Variants in SUMF1 observed in about 807,000 individuals in gnomAD.
SUMF1 encodes sulfatase modifying factor 1.
A neutral mutation model predicts 47.6 loss-of-function variants in SUMF1; 48 were observed. That is an observed-to-expected ratio of 1.01 (90% CI 0.80 to 1.28). SUMF1 has a LOEUF of 1.28. SUMF1 is among the 50% of genes most tolerant of loss of function. SUMF1 has a pLI of 0.00. For missense variants in SUMF1, 571 were observed against 485.4 expected, an observed-to-expected ratio of 1.18 and a Z score of -1.66; for synonymous variants, 230 against 192.1, an observed-to-expected ratio of 1.20 and a Z score of -1.63.
At chr3:4,339,007 G>C (rs147279892) in intron 8 of SUMF1, among the ~76,000 whole-genome samples, 84 of 152,282 alleles carry the variant, frequency 5.5e-4, no homozygotes, top group African/African-American at 1.9e-3. Context: ...AGTGTGATGA[G>C]CCTGACGTTA....
chr3:4,447,180 C>CA lies in SUMF1; in HGVS notation c.519+2085dup, dbSNP rs536550926. On this transcript the variant is annotated intron_variant, in intron 3 of 8. Transcript: ENST00000272902. ...ATTTTCTGTATTTGTCTTATTTTACCAAAAAAAGATTTTTTTAAAAAAAAA... is the reference window on the plus strand; with the variant it reads ...ATTTTCTGTATTTGTCTTATTTTACCAAAAAAAAGATTTTTTTAAAAAAAAA... 4.8e-3 allele frequency among the ~76,000 whole-genome samples: 730 copies of CA among 151,508 alleles called. 2 individuals carry two copies. The highest frequency in any genetic ancestry group is 0.017 in the African/African-American group (705 of 41,288).
intron 8 of SUMF1, among the ~76,000 whole-genome samples, chr3:4,287,197 G>A (rs1343712300): frequency 6.6e-6 from 1 of 152,074 alleles, no homozygotes; most frequent in Non-Finnish European, 1.5e-5. Flanking sequence ...ACAACACAAT[G>A]CAAAGCTTTC....
At chr3:4,274,036 TA>T (rs1373678871) in intron 8 of SUMF1, among the ~76,000 whole-genome samples, 1 of 151,986 alleles carries the variant, frequency 6.6e-6, no homozygotes, top group Non-Finnish European at 1.5e-5. Context: ...AAACTCAATA[TA>T]AACAGGGCCC....
chr3:4,168,802 T>C (rs1041344248), intron 8 of SUMF1, among the ~76,000 whole-genome samples: 1 of 152,194 alleles, frequency 6.6e-6, no homozygotes, highest in Non-Finnish European at 1.5e-5. Flanking sequence ...GTGAAGCACT[T>C]AGCACAGTGC....
chr3:4,213,930 AAGAG>A (rs1695858968), intron 8 of SUMF1, among the ~76,000 whole-genome samples: 1 of 152,270 alleles, frequency 6.6e-6, no homozygotes, highest in African/African-American at 2.4e-5. Flanking sequence ...GAGACCTACA[AAGAG>A]ACTCAGACTT....
At chr3:4,282,874 C>G (rs1002163435) in intron 8 of SUMF1, among the ~76,000 whole-genome samples, 11 of 152,160 alleles carry the variant, frequency 7.2e-5, no homozygotes, top group Non-Finnish European at 5.9e-5. Context: ...ATTGACTACT[C>G]TGCTCAGTGA....
intron 8 of SUMF1, among the ~76,000 whole-genome samples, chr3:4,261,268 A>G (rs978151928): frequency 1.3e-5 from 2 of 152,206 alleles, no homozygotes; most frequent in African/African-American, 4.8e-5. Flanking sequence ...GGAGAGAAAC[A>G]TTCAGTTTAA....
Position 4,466,983 on chromosome 3 carries a change from T to C in SUMF1, c.263A>G (p.His88Arg), listed in dbSNP as rs768876680. 8.1e-6 allele frequency: 13 copies of C among 1,603,434 alleles called. No individual in the cohort carries two copies. The highest frequency in any genetic ancestry group is 1.0e-5 in the Non-Finnish European group (12 of 1,176,630). ...GPVPGERQLA[H>R]SKMVPIPAGV... is the part of the protein sequence containing the mutation. ...GAGGAATCGATGGAGCACCTTTGAGTGCGCGAGTTGCCGCTCTCCGGGTAC... is the reference window on the plus strand; with the variant it reads ...GAGGAATCGATGGAGCACCTTTGAGCGCGCGAGTTGCCGCTCTCCGGGTAC... The change falls in exon 1 of 9, where the codon CAC (histidine) becomes CGC (arginine). Residue 88 changes from histidine (H) to arginine (R), a missense_variant. By Grantham distance (29) the His-to-Arg change is conservative (BLOSUM62 0). Transcript: ENST00000272902.
intron 8 of SUMF1, among the ~76,000 whole-genome samples, chr3:4,228,704 C>A (rs912340526): frequency 4.6e-5 from 7 of 152,174 alleles, no homozygotes; most frequent in African/African-American, 1.7e-4. Flanking sequence ...GTCCCAAATC[C>A]TAAAAACCAC....
At chr3:4,192,867 T>C (rs1346548412) in intron 8 of SUMF1, among the ~76,000 whole-genome samples, 2 of 152,098 alleles carry the variant, frequency 1.3e-5, no homozygotes, top group Admixed American at 1.3e-4. Context: ...TCATGGTTGG[T>C]GGATAGATCA....
intron 7 of SUMF1, among the ~76,000 whole-genome samples, chr3:4,393,615 G>A (rs140161395): frequency 2.4e-4 from 36 of 152,118 alleles, no homozygotes; most frequent in Admixed American, 8.5e-4. Flanking sequence ...TTACAGAAGT[G>A]AGCCACCATG....
intron 8 of SUMF1, among the ~76,000 whole-genome samples, chr3:4,105,626 T>G (rs1299339301): frequency 6.6e-6 from 1 of 152,116 alleles, no homozygotes; most frequent in East Asian, 1.9e-4. Flanking sequence ...ATATTATTAA[T>G]GGAAACTTAG....
In SUMF1 at chr3:4,315,689, T is replaced by C. The variant is rs552818939; in HGVS notation, c.1014+60641A>G. 2.6e-5 allele frequency among the ~76,000 whole-genome samples: 4 copies of C among 152,306 alleles called. No homozygotes were observed. In the South Asian group the frequency reaches 8.3e-4, roughly 32 times the overall value. On this transcript the variant is annotated intron_variant and NMD_transcript_variant, in intron 8 of 12. Transcript: ENST00000448413. ...TCTTTTGAGAGAAAACATTTAAAAA[T>C]ATACTTCCACTTGACTATTATCCCA...
At position 4,317,224 on chromosome 3, in the gene SUMF1, G is replaced by T. The variant is rs180978307; in HGVS notation, c.1014+59106C>A. 1.2e-4 allele frequency: 192 copies of T among 1,543,330 alleles called. 2 individuals are homozygous for T. The East Asian group carries it at 4.6e-3, about 37-fold the overall frequency. ...TCTCGTTGGCAAAAATGTGTTGATTGTAATGGTTCCTATTTTGATTAATAA... is the reference window on the plus strand; with the variant it reads ...TCTCGTTGGCAAAAATGTGTTGATTTTAATGGTTCCTATTTTGATTAATAA... On this transcript the variant is annotated intron_variant and NMD_transcript_variant, in intron 8 of 12. Coordinates refer to the SUMF1 transcript ENST00000448413.
chr3:4,452,792 G>T, intron 2 of SUMF1, 84 bp downstream of exon 2: 2 of 1,507,860 alleles, frequency 1.3e-6, no homozygotes, highest in Non-Finnish European at 9.2e-7. Context: ...AGTAAAAATG[G>T]TCAGTCAATC....
At chr3:4,387,367 C>T (rs976349535) in intron 7 of SUMF1, among the ~76,000 whole-genome samples, 2 of 152,010 alleles carry the variant, frequency 1.3e-5, no homozygotes, top group African/African-American at 4.8e-5. Flanking sequence ...CCTAAGTTGT[C>T]ACATTTATGG....
In SUMF1 at chr3:4,313,580, A is replaced by T. The variant is rs147660545; in HGVS notation, c.1014+62750T>A. The T allele has an allele frequency of 4.8e-5, 78 of 1,613,990 alleles. No homozygotes were observed. The African/African-American group carries it at 7.5e-4, about 15-fold the overall frequency. Reference sequence around the variant, plus strand: ...AGTGAAGACAAAGAAAGGCTAGATCATGGGAAACTAAGGAAACCTTGTTAC... The same window carrying T: ...AGTGAAGACAAAGAAAGGCTAGATCTTGGGAAACTAAGGAAACCTTGTTAC... On this transcript the variant is annotated intron_variant and NMD_transcript_variant, in intron 8 of 12. Coordinates refer to the SUMF1 transcript ENST00000448413.
In SUMF1 at chr3:4,303,910, G is replaced by A. The variant is rs563141397; in HGVS notation, c.1014+72420C>T. On this transcript the variant is annotated intron_variant and NMD_transcript_variant, in intron 8 of 12. Transcript: ENST00000448413. ...GGCCTATTAATGGATCGCAGCCGGTGTCGTGCATAAAAACAGCCCCTCGAG... is the reference window on the plus strand; with the variant it reads ...GGCCTATTAATGGATCGCAGCCGGTATCGTGCATAAAAACAGCCCCTCGAG... The A allele has an allele frequency of 5.0e-5, 61 of 1,221,844 alleles. 1 individual carries two copies. The South Asian group carries it at 5.7e-4, about 11-fold the overall frequency. The allele number at this position is 1,221,844 out of a possible 1,614,324, so 75.7% of individuals were successfully genotyped here.
intron 9 of SUMF1, chr3:4,068,418 A>C (rs1368993338): frequency 6.3e-6 from 1 of 159,556 alleles, no homozygotes; most frequent in African/African-American, 2.4e-5. Flanking sequence ...AAAAAGTAAA[A>C]AACAATGATA....
Sources: allele counts gnomAD v4.1 joint callset (sites outside exome capture counted in the v4.1 genomes callset), GRCh38; gene constraint gnomAD v4.1.1; transcripts MANE v1.5; gene names NCBI Gene and HGNC (gene_info 2026-07-23, HGNC 2026-07-21).